The following NR5A2 variants were observed in gnomAD, a reference collection of about 807,000 sequenced individuals.
NR5A2 encodes CYP7A promoter-binding factor.
A neutral mutation model predicts 62.7 loss-of-function variants in NR5A2; 26 were observed. That is an observed-to-expected ratio of 0.41 (90% CI 0.30 to 0.58). The LOEUF (loss-of-function observed/expected upper bound fraction) is 0.58. Ranked by LOEUF, NR5A2 falls within the 20% of genes least tolerant of loss-of-function variation. The probability of loss-of-function intolerance (pLI) is 0.22; values close to 1 mark genes in which losing one functional copy is unlikely to be tolerated. For missense variants in NR5A2, 541 were observed against 669.1 expected, an observed-to-expected ratio of 0.81 and a Z score of 2.11; for synonymous variants, 246 against 241.7, an observed-to-expected ratio of 1.02 and a Z score of -0.16.
chr1:200,088,209 GT>G (rs537890198), intron 5 of NR5A2, among the ~76,000 whole-genome samples: 2 of 150,826 alleles, frequency 1.3e-5, no homozygotes, highest in African/African-American at 4.9e-5. Flanking sequence ...CCAGCCCCTT[GT>G]TTTTTTTTGT....
At chr1:200,062,829 A>G (rs1273252248) in intron 5 of NR5A2, among the ~76,000 whole-genome samples, 1 of 152,216 alleles carries the variant, frequency 6.6e-6, no homozygotes, top group African/African-American at 2.4e-5. Flanking sequence ...CTGCTGTATT[A>G]GCTAGTTAAC....
intron 5 of NR5A2, among the ~76,000 whole-genome samples, chr1:200,084,242 A>G (rs1467454625): frequency 6.6e-6 from 1 of 152,112 alleles, no homozygotes; most frequent in Non-Finnish European, 1.5e-5. Context: ...AGCACTTATA[A>G]TCTGGCAAGC....
At chr1:200,111,093 T>C in intron 5 of NR5A2, 109 bp from the exon 6 acceptor site, 1 of 1,270,878 alleles carries the variant, frequency 7.9e-7, no homozygotes, top group South Asian at 1.6e-5. Flanking sequence ...GAGACTTTCT[T>C]GTTTATATGT....
intron 5 of NR5A2, among the ~76,000 whole-genome samples, chr1:200,094,383 C>T (rs1428090766): frequency 6.6e-6 from 1 of 151,276 alleles, no homozygotes; most frequent in African/African-American, 2.4e-5. Context: ...TGGAGTTTCA[C>T]CATGTTGCCC....
chr1:200,032,309 A>G (rs1661577092), intron 1 of NR5A2, among the ~76,000 whole-genome samples: 2 of 152,336 alleles, frequency 1.3e-5, no homozygotes, highest in South Asian at 4.1e-4. Flanking sequence ...ATCAAGCTTG[A>G]GAAAACCATG....
At chr1:200,074,471 G>A (rs1053808708) in intron 5 of NR5A2, among the ~76,000 whole-genome samples, 13 of 151,212 alleles carry the variant, frequency 8.6e-5, no homozygotes, top group African/African-American at 3.1e-4. Flanking sequence ...GGTGCGGTGG[G>A]TCACGTCTGT....
chr1:200,062,711 T>C (rs1444926522), intron 5 of NR5A2, among the ~76,000 whole-genome samples: 5 of 152,212 alleles, frequency 3.3e-5, no homozygotes, highest in Non-Finnish European at 5.9e-5. Flanking sequence ...GCAGAGCTGA[T>C]GAAAGCCATC....
chr1:200,057,341 T>G (rs1662960394), intron 5 of NR5A2, among the ~76,000 whole-genome samples: 2 of 152,156 alleles, frequency 1.3e-5, no homozygotes, highest in South Asian at 2.1e-4. Context: ...GAGAGCACAG[T>G]GTATGGTCAT....
At chr1:200,074,729 T>A (rs1380797828) in intron 5 of NR5A2, among the ~76,000 whole-genome samples, 1 of 37,378 alleles carries the variant, frequency 2.7e-5, no homozygotes, top group Non-Finnish European at 4.4e-5. Flanking sequence ...AGGGCGAGAG[T>A]CCATCTCAAA....
intron 4 of NR5A2, among the ~76,000 whole-genome samples, chr1:200,047,821 A>T (rs1211076729): frequency 2.0e-5 from 3 of 151,994 alleles, no homozygotes; most frequent in South Asian, 4.2e-4. Flanking sequence ...CAGGTGATCC[A>T]CCCGCCTTGG....
At chr1:200,111,408 T>A (rs750771983) in intron 6 of NR5A2, 87 bp downstream of exon 6, 25 of 1,422,794 alleles carry the variant, frequency 1.8e-5, no homozygotes, top group Non-Finnish European at 2.3e-5. Flanking sequence ...TCAGAAGCAC[T>A]CTTGTGCTTT....
In NR5A2 at chr1:200,145,468, T is replaced by TTGTGTGTGTGTGTG. The variant is rs66885184; in HGVS notation, c.1378+24547_1378+24560dup. The stretch of plus-strand genomic sequence containing the variant: ...GAAACTGGTAGGCCATTGATAGAAT[T>TTGTGTGTGTGTGTG]TGTGTGTGTGTGTGTGTGTGTGTGT... On this transcript the variant is annotated intron_variant, in intron 7 of 7. Coordinates refer to ENST00000367362, the MANE Select transcript of NR5A2 (RefSeq NM_205860.3). 5.6e-4 allele frequency among the ~76,000 whole-genome samples: 79 copies of TTGTGTGTGTGTGTG among 142,204 alleles called. 1 individual carries two copies. Among genetic ancestry groups the TTGTGTGTGTGTGTG allele is most frequent in the African/African-American group, 1.6e-3 (60 of 37,996 alleles). The allele number at this position is 142,204 out of a possible 152,430, so 93.3% of individuals were successfully genotyped here. A position where few individuals can be genotyped will look rare whatever the true frequency, so the allele number is the denominator to read the frequency against.
intron 7 of NR5A2, among the ~76,000 whole-genome samples, chr1:200,169,004 C>T (rs916224072): frequency 1.1e-4 from 17 of 152,036 alleles, no homozygotes; most frequent in African/African-American, 3.6e-4. Flanking sequence ...ATGTGCAAAA[C>T]GGTACCTCTT....
chr1:200,172,364 C>T (rs921355751), intron 7 of NR5A2, among the ~76,000 whole-genome samples: 1 of 152,086 alleles, frequency 6.6e-6, no homozygotes, highest in African/African-American at 2.4e-5. Flanking sequence ...CTGTAAAGTG[C>T]CGCATGGGTA....
chr1:200,147,214 C>T lies in NR5A2; in HGVS notation c.1378+26259C>T, dbSNP rs1382292748. On this transcript the variant is annotated intron_variant, in intron 7 of 7. Coordinates refer to ENST00000367362, the MANE Select transcript of NR5A2 (RefSeq NM_205860.3). This position sits in a 1 kb window ranked among gnomAD's most constrained non-coding sequence, Gnocchi z 4.9. ...ACGCAAAAAATAGAGGGGGGCACCT[C>T]GCTGAAGCCAGCGAGGCCGCTGCAC... 1.3e-5 allele frequency among the ~76,000 whole-genome samples: 2 copies of T among 152,192 alleles called. No homozygotes were observed. Among genetic ancestry groups the T allele is most frequent in the East Asian group, 3.9e-4 (2 of 5,192 alleles).
chr1:200,054,535 T>C (rs114172656), intron 5 of NR5A2, among the ~76,000 whole-genome samples: 4,560 of 152,242 alleles, frequency 0.03, 120 homozygotes, highest in African/African-American at 0.064. Context: ...CCTCGGTGAA[T>C]GATTCTGATA....
At chr1:200,138,398 T>C (rs896925081) in intron 7 of NR5A2, among the ~76,000 whole-genome samples, 6 of 152,242 alleles carry the variant, frequency 3.9e-5, no homozygotes, top group African/African-American at 1.4e-4. Flanking sequence ...ACCAGTGATA[T>C]TGAACATCTT....
Position 200,027,809 on chromosome 1 carries a change from C to T in NR5A2, c.-39C>T. The T allele has an allele frequency of 1.3e-6, 2 of 1,496,450 alleles. No individual in the cohort carries two copies. The highest frequency in any genetic ancestry group is 1.8e-6 in the Non-Finnish European group (2 of 1,093,278). The allele number at this position is 1,496,450 out of a possible 1,614,324, so 92.7% of individuals were successfully genotyped here. On this transcript the variant is annotated 5_prime_UTR_variant, in exon 1 of 8. Transcript: ENST00000367362. ...GCACTTTTCTTTTGCTCAATGATTT[C>T]TGCTTTAAGCCAAAGAACTGCCTAT...
At chr1:200,168,219 T>A (rs1262377804) in intron 7 of NR5A2, among the ~76,000 whole-genome samples, 3 of 151,456 alleles carry the variant, frequency 2.0e-5, no homozygotes, top group Non-Finnish European at 1.5e-5. Flanking sequence ...ACTTTTTTTT[T>A]TTTTTTTTAA....
Sources: allele counts gnomAD v4.1 joint callset (sites outside exome capture counted in the v4.1 genomes callset), GRCh38; gene constraint gnomAD v4.1.1; non-coding constraint Gnocchi (gnomAD v3.1); transcripts MANE v1.5; gene names NCBI Gene and HGNC (gene_info 2026-07-23, HGNC 2026-07-21).